ASTN2: variants seen among roughly 807,000 people sequenced by gnomAD.
ASTN2 encodes astrotactin 2, also known as astrotactin-2.
ASTN2 carries 54 observed loss-of-function variants against 139.8 expected under a neutral mutation model. The ratio of observed to expected loss-of-function variants is 0.39; its 90% CI spans 0.31 to 0.48. The LOEUF (loss-of-function observed/expected upper bound fraction) is 0.48. Among genes scored for constraint, ASTN2 ranks in the 20% least tolerant of loss-of-function variants. ASTN2 has a pLI of 0.95. For synonymous variants in ASTN2, 756 were observed against 719.5 expected, an observed-to-expected ratio of 1.05 and a Z score of -0.81; for missense variants, 1,565 against 1,725.1, an observed-to-expected ratio of 0.91 and a Z score of 1.64.
intron 20 of ASTN2, among the ~76,000 whole-genome samples, chr9:116,451,436 C>T (rs10983162): frequency 0.2 from 29,304 of 147,270 alleles, 3,597 homozygotes; most frequent in Admixed American, 0.36. Context: ...CTGCTAAGCA[C>T]GGAAGAAACA....
intron 20 of ASTN2, among the ~76,000 whole-genome samples, chr9:116,458,408 GA>G (rs1171770310): frequency 6.6e-6 from 1 of 151,802 alleles, no homozygotes; most frequent in African/African-American, 2.4e-5. Context: ...TGCTTGAGGT[GA>G]TGGATTCCTC....
intron 19 of ASTN2, among the ~76,000 whole-genome samples, chr9:116,609,351 C>T (rs957613389): frequency 4.9e-5 from 6 of 122,478 alleles, no homozygotes; most frequent in African/African-American, 1.3e-4. Context: ...CACACACACA[C>T]ATATATACAT....
intron 15 of ASTN2, among the ~76,000 whole-genome samples, chr9:116,727,130 G>A (rs1828650461): frequency 6.6e-6 from 1 of 151,726 alleles, no homozygotes; most frequent in South Asian, 2.1e-4. Context: ...TCTTCTCCAA[G>A]AAGCCTTTCA....
intron 1 of ASTN2, among the ~76,000 whole-genome samples, chr9:117,302,799 C>T (rs148910798): frequency 7.2e-5 from 11 of 152,268 alleles, no homozygotes; most frequent in African/African-American, 2.2e-4. Flanking sequence ...TTAAGTCCAA[C>T]AGCTATTTGC....
intron 12 of ASTN2, 111 bp downstream of exon 12, chr9:116,820,506 T>C (rs992293528): frequency 2.9e-6 from 4 of 1,368,534 alleles, no homozygotes; most frequent in Non-Finnish European, 3.9e-6. Context: ...AGAAAGGCCA[T>C]TTTATTGAAG....
intron 16 of ASTN2, among the ~76,000 whole-genome samples, chr9:116,717,543 A>C (rs1052757915): frequency 6.6e-6 from 1 of 152,182 alleles, no homozygotes; most frequent in African/African-American, 2.4e-5. Context: ...ACAGAAGCTA[A>C]GGCACAAAGG....
chr9:117,122,550 G>C (rs1394756368), intron 4 of ASTN2, among the ~76,000 whole-genome samples: 5 of 152,160 alleles, frequency 3.3e-5, no homozygotes, highest in Admixed American at 3.3e-4. Context: ...CTAAGCAATG[G>C]GCAGCAGTCT....
rs543166816 is a variant in ASTN2, at chr9:117,191,716, G to A, written c.1015+22642C>T. Among the ~76,000 whole-genome samples, 10 of 152,278 alleles carry A rather than the reference G, an allele frequency of 6.6e-5. No individual in the cohort carries two copies. In the South Asian group the frequency reaches 1.9e-3, roughly 28 times the overall value. ...GGGAGCCCAGGACAGGAGGTACAAAGTCCCCTGACTGCTGGGAAACTGCTT... is the reference window on the plus strand; with the variant it reads ...GGGAGCCCAGGACAGGAGGTACAAAATCCCCTGACTGCTGGGAAACTGCTT... On this transcript the variant is annotated intron_variant, in intron 3 of 22. Transcript: ENST00000313400.
At chr9:116,592,939 G>A (rs1048770968) in intron 19 of ASTN2, among the ~76,000 whole-genome samples, 10 of 152,196 alleles carry the variant, frequency 6.6e-5, no homozygotes, top group African/African-American at 2.2e-4. Flanking sequence ...ACAATGAGCT[G>A]TGCATCAGAA....
intron 20 of ASTN2, among the ~76,000 whole-genome samples, chr9:116,463,403 C>T (rs933187163): frequency 1.3e-5 from 2 of 152,338 alleles, no homozygotes; most frequent in East Asian, 1.9e-4. Flanking sequence ...GACATCAGGA[C>T]TTTATCTCCT....
rs10983227 is a variant in ASTN2 at position 116,542,032 on chromosome 9, C to A, written c.3356-54532G>T. ...AACATTTTCATTACCACAATTATTTCTCATGATTTTTTTTATAGTCACACT... is the reference window on the plus strand; with the variant it reads ...AACATTTTCATTACCACAATTATTTATCATGATTTTTTTTATAGTCACACT... On this transcript the variant is annotated intron_variant, in intron 19 of 22. Coordinates refer to ENST00000313400, the MANE Select transcript of ASTN2 (RefSeq NM_001365068.1). Among the ~76,000 whole-genome samples, 125 of 152,246 alleles carry A rather than the reference C, an allele frequency of 8.2e-4. 2 individuals carry two copies. In the East Asian group the frequency reaches 0.023, roughly 28 times the overall value.
chr9:116,631,447 T>C (rs917545660), intron 17 of ASTN2, among the ~76,000 whole-genome samples: 1 of 152,328 alleles, frequency 6.6e-6, no homozygotes, highest in South Asian at 2.1e-4. Context: ...AATTATGTTA[T>C]ATGAAATAAG....
chr9:117,059,423 C>T (rs1839172597), intron 5 of ASTN2, among the ~76,000 whole-genome samples: 1 of 152,032 alleles, frequency 6.6e-6, no homozygotes, highest in Non-Finnish European at 1.5e-5. Context: ...AGCAGCCTGA[C>T]CAACATGGTG....
intron 8 of ASTN2, 38 bp downstream of exon 8, chr9:116,976,663 C>T: frequency 1.3e-6 from 2 of 1,593,056 alleles, no homozygotes; most frequent in South Asian, 1.1e-5. Flanking sequence ...AAAAGTGGGT[C>T]CTGCACTGTC....
At chr9:116,760,154 C>A (rs982885174) in intron 13 of ASTN2, among the ~76,000 whole-genome samples, 1 of 152,230 alleles carries the variant, frequency 6.6e-6, no homozygotes. Context: ...CTTTCATCCT[C>A]TCCAGGTAGA....
intron 10 of ASTN2, among the ~76,000 whole-genome samples, chr9:116,897,754 C>A (rs59522759): frequency 0.025 from 3,787 of 151,932 alleles, 142 homozygotes; most frequent in African/African-American, 0.084. Context: ...TATATATAGT[C>A]TGACACCATT....
chr9:116,968,672 G>A (rs1836088970), intron 10 of ASTN2, among the ~76,000 whole-genome samples: 1 of 152,098 alleles, frequency 6.6e-6, no homozygotes, highest in Non-Finnish European at 1.5e-5. Context: ...GCCGAGGTGG[G>A]CAGATCACTT....
chr9:117,171,603 C>T (rs1328012830), intron 3 of ASTN2, among the ~76,000 whole-genome samples: 2 of 152,036 alleles, frequency 1.3e-5, no homozygotes, highest in Non-Finnish European at 2.9e-5. Context: ...GGATCGGTTT[C>T]CCCCATGCTG....
intron 1 of ASTN2, among the ~76,000 whole-genome samples, chr9:117,379,169 T>TCC (rs1480093010): frequency 6.6e-6 from 1 of 152,138 alleles, no homozygotes; most frequent in African/African-American, 2.4e-5. Flanking sequence ...CTTCTTTATA[T>TCC]CCATTTGAGG....
Sources: gnomAD v4.1 joint callset for allele counts (sites outside exome capture counted in the v4.1 genomes callset) on GRCh38, gnomAD v4.1.1 for gene constraint, MANE v1.5 for transcripts, NCBI Gene and HGNC (gene_info 2026-07-23, HGNC 2026-07-21) for gene names.